The following PCDHA9 variants were observed in gnomAD, a reference collection of about 807,000 sequenced individuals.
PCDHA9 encodes protocadherin alpha 9.
In PCDHA9, 62 loss-of-function variants were observed where a neutral mutation model predicts 62.0. The ratio of observed to expected loss-of-function variants is 1.00; its 90% CI spans 0.81 to 1.23. The LOEUF is 1.23. Among genes scored for constraint, PCDHA9 ranks in the 50% most tolerant of loss-of-function variants. The pLI is 0.00. For synonymous variants in PCDHA9, 557 were observed against 567.6 expected (o/e 0.98, Z 0.27); for missense variants, 1,205 against 1,249.8 (o/e 0.96, Z 0.54).
At chr5:140,869,892 A>G in intron 1 of PCDHA9, 1 of 1,610,608 alleles carries the variant, frequency 6.2e-7, no homozygotes, top group Non-Finnish European at 8.5e-7. Context: ...TTGTGCTCAA[A>G]CTAAACGCCA....
intron 3 of PCDHA9, among the ~76,000 whole-genome samples, chr5:140,989,845 T>C (rs1180098230): frequency 2.6e-5 from 4 of 152,118 alleles, no homozygotes; most frequent in Non-Finnish European, 5.9e-5. Flanking sequence ...AATGAGTGTG[T>C]GGACTGGAGA....
At chr5:140,920,718 C>A (rs183020461) in intron 1 of PCDHA9, among the ~76,000 whole-genome samples, 3 of 152,168 alleles carry the variant, frequency 2.0e-5, no homozygotes, top group East Asian at 3.9e-4. Context: ...GTGGTGTGCG[C>A]CTGCAGTCCC....
Position 141,010,040 on chromosome 5 carries a change from C to G in PCDHA9, c.*103C>G. On this transcript the variant is annotated 3_prime_UTR_variant, in exon 4 of 4. Transcript: ENST00000532602. Reference sequence around the variant, plus strand: ...CCTTTTTCCTATCTACATGAGCCCTCTTAGAGACCTCAGAAATCTGCAGAA... The same window carrying G: ...CCTTTTTCCTATCTACATGAGCCCTGTTAGAGACCTCAGAAATCTGCAGAA... 5.6e-6 allele frequency: 9 copies of G among 1,593,642 alleles called. No individual in the cohort carries two copies. The highest frequency in any genetic ancestry group is 7.7e-6 in the Non-Finnish European group (9 of 1,170,750).
chr5:140,862,466 CA>C, intron 1 of PCDHA9: 1 of 371,398 alleles, frequency 2.7e-6, no homozygotes. Context: ...ACCAAGAGAG[CA>C]AATCTATCCA....
chr5:140,982,014 C>G lies in PCDHA9; in HGVS notation c.2454-461C>G, dbSNP rs546904836. Among the ~76,000 whole-genome samples the G allele has an allele frequency of 3.3e-5, 5 of 152,270 alleles. No individual in the cohort carries two copies. The South Asian group carries it at 1.0e-3, about 32-fold the overall frequency. ...ATAAGGTTAAGAATTAATTAGATAG[C>G]CAAATTGGAACAATACTCCAATTAT... is the stretch of plus-strand genomic sequence containing the variant. On this transcript the variant is annotated intron_variant, in intron 2 of 3. Coordinates refer to ENST00000532602, the MANE Select transcript of PCDHA9 (RefSeq NM_031857.2).
intron 1 of PCDHA9, chr5:140,877,442 C>A: frequency 6.2e-7 from 1 of 1,613,858 alleles, no homozygotes; most frequent in South Asian, 1.1e-5. Flanking sequence ...CACGGTGAGC[C>A]CGCGCTGACG....
intron 1 of PCDHA9, among the ~76,000 whole-genome samples, chr5:140,900,475 C>G (rs2153470131): frequency 6.6e-6 from 1 of 152,298 alleles, no homozygotes; most frequent in East Asian, 1.9e-4. Flanking sequence ...CGGAGTTTCT[C>G]CATGTTGGTC....
intron 1 of PCDHA9, chr5:140,870,249 A>T (rs1554163944): frequency 6.2e-7 from 1 of 1,614,160 alleles, no homozygotes; most frequent in Non-Finnish European, 8.5e-7. Flanking sequence ...GTGTCAACGG[A>T]CAGGTGACCT....
intron 1 of PCDHA9, among the ~76,000 whole-genome samples, chr5:140,950,195 C>T (rs186601471): frequency 6.6e-6 from 1 of 152,028 alleles, no homozygotes; most frequent in South Asian, 2.1e-4. Flanking sequence ...AAAAAATAGT[C>T]ATTTCTGTTT....
At chr5:140,996,173 A>G (rs2097715399) in intron 3 of PCDHA9, among the ~76,000 whole-genome samples, 1 of 152,236 alleles carries the variant, frequency 6.6e-6, no homozygotes, top group Non-Finnish European at 1.5e-5. Flanking sequence ...ATGTGCTGAC[A>G]GCACCTCCAT....
intron 1 of PCDHA9, among the ~76,000 whole-genome samples, chr5:140,909,449 A>G (rs1301796561): frequency 1.3e-5 from 2 of 152,218 alleles, no homozygotes; most frequent in African/African-American, 4.8e-5. Flanking sequence ...GTCATTCTCC[A>G]AGATCCATCT....
intron 1 of PCDHA9, chr5:140,969,176 G>T (rs1554231542): frequency 6.2e-7 from 1 of 1,614,102 alleles, no homozygotes; most frequent in African/African-American, 1.3e-5. Context: ...CTCAGGGAGT[G>T]ACACTTTCAT....
intron 1 of PCDHA9, chr5:140,928,695 C>T (rs782305388): frequency 9.3e-6 from 15 of 1,614,058 alleles, no homozygotes; most frequent in Non-Finnish European, 1.3e-5. Context: ...ACCACATCTC[C>T]CGGGCGTCTG....
intron 1 of PCDHA9, chr5:140,861,034 G>A (rs1262696550): frequency 1.3e-5 from 2 of 152,270 alleles, no homozygotes; most frequent in Admixed American, 6.5e-5. Context: ...CGGCCGAAAG[G>A]TATTTTTTTT....
intron 3 of PCDHA9, among the ~76,000 whole-genome samples, chr5:140,983,533 G>A (rs1195364351): frequency 6.6e-6 from 1 of 152,208 alleles, no homozygotes; most frequent in Non-Finnish European, 1.5e-5. Flanking sequence ...TACATTGTAT[G>A]TGTGGTCTCA....
chr5:140,891,688 T>G (rs2063203967), intron 1 of PCDHA9, among the ~76,000 whole-genome samples: 1 of 152,224 alleles, frequency 6.6e-6, no homozygotes, highest in Non-Finnish European at 1.5e-5. Flanking sequence ...TCTCTCTTCT[T>G]GCTGTTGTCT....
chr5:140,919,301 A>G (rs1278715166), intron 1 of PCDHA9, among the ~76,000 whole-genome samples: 1 of 152,158 alleles, frequency 6.6e-6, no homozygotes, highest in African/African-American at 2.4e-5. Context: ...CTGTTTGTAC[A>G]ATATATGTTT....
intron 1 of PCDHA9, among the ~76,000 whole-genome samples, chr5:140,922,895 A>G (rs2153566398): frequency 6.6e-6 from 1 of 152,340 alleles, no homozygotes; most frequent in East Asian, 1.9e-4. Context: ...ATTCAAGAAA[A>G]AATTTTGAGA....
intron 1 of PCDHA9, among the ~76,000 whole-genome samples, chr5:140,923,970 C>T (rs2081601306): frequency 2.6e-5 from 4 of 152,220 alleles, no homozygotes; most frequent in Admixed American, 2.6e-4. Flanking sequence ...TATACCCACA[C>T]ATACTATCCC....
Sources: allele counts gnomAD v4.1 joint callset (sites outside exome capture counted in the v4.1 genomes callset), GRCh38; gene constraint gnomAD v4.1.1; transcripts MANE v1.5; gene names NCBI Gene and HGNC (gene_info 2026-07-23, HGNC 2026-07-21).